Variants in LRP1B observed in about 807,000 individuals in gnomAD.
LRP1B encodes the protein LDL receptor related protein 1B, also known as low-density lipoprotein receptor-related protein 1B.
A neutral mutation model predicts 556.6 loss-of-function variants in LRP1B; 217 were observed. The ratio of observed to expected loss-of-function variants is 0.39; its 90% CI spans 0.35 to 0.44. LRP1B has a LOEUF of 0.44. LRP1B is among the 20% of genes least tolerant of loss of function. The pLI is 1.00. For missense variants in LRP1B, 5,053 were observed against 5,620.8 expected, an observed-to-expected ratio of 0.90 and a Z score of 3.23; for synonymous variants, 2,047 against 1,865.8, an observed-to-expected ratio of 1.10 and a Z score of -2.50.
At chr2:141,951,090 GTGATA>G (rs1701092294) in intron 1 of LRP1B, among the ~76,000 whole-genome samples, 1 of 152,068 alleles carries the variant, frequency 6.6e-6, no homozygotes, top group Non-Finnish European at 1.5e-5. Context: ...TTGTCCCATA[GTGATA>G]ATGGCTGCGT....
chr2:141,632,846 ATTGTG>A (rs1258539342), intron 2 of LRP1B, among the ~76,000 whole-genome samples: 3 of 140,476 alleles, frequency 2.1e-5, no homozygotes, highest in Non-Finnish European at 3.0e-5. Context: ...ATGAGAATGT[ATTGTG>A]TTAAGTGCTA....
intron 63 of LRP1B, among the ~76,000 whole-genome samples, chr2:140,447,145 A>G (rs1057469467): frequency 6.6e-6 from 1 of 152,118 alleles, no homozygotes; most frequent in African/African-American, 2.4e-5. Context: ...AGGCATTGTA[A>G]AAAAAGAAGA....
At chr2:140,455,155 C>T (rs189340400) in intron 62 of LRP1B, among the ~76,000 whole-genome samples, 13 of 152,194 alleles carry the variant, frequency 8.5e-5, no homozygotes, top group Admixed American at 7.2e-4. Flanking sequence ...AATTCAATTG[C>T]TAATTTTATC....
At chr2:141,632,996 CA>C (rs1047259093) in intron 2 of LRP1B, among the ~76,000 whole-genome samples, 3 of 151,818 alleles carry the variant, frequency 2.0e-5, no homozygotes, top group African/African-American at 7.3e-5. Context: ...TAATGAAGAT[CA>C]AATCTGTTTA....
intron 31 of LRP1B, among the ~76,000 whole-genome samples, chr2:140,830,432 C>T (rs1438570156): frequency 2.0e-5 from 3 of 152,076 alleles, no homozygotes; most frequent in African/African-American, 7.2e-5. Context: ...TCCAGTGATA[C>T]AAGGATGGTC....
chr2:140,445,501 A>G (rs936040379), intron 63 of LRP1B, among the ~76,000 whole-genome samples: 1 of 152,160 alleles, frequency 6.6e-6, no homozygotes, highest in African/African-American at 2.4e-5. Context: ...ATTCATCCCT[A>G]TAATCCGATT....
In LRP1B at chr2:141,025,707, C is replaced by T. The variant is rs566093081; in HGVS notation, c.1790-5605G>A. On this transcript the variant is annotated intron_variant, in intron 11 of 90. Transcript: ENST00000389484. The stretch of plus-strand genomic sequence containing the variant: ...CTTTCCAGTTCCCATAATTGTGTGA[C>T]CTAATTCCTTAATAAATCTTTTTTT... 6.5e-4 allele frequency among the ~76,000 whole-genome samples: 99 copies of T among 152,110 alleles called. No individual in the cohort carries two copies. The South Asian group carries it at 0.02, about 31-fold the overall frequency.
At chr2:140,874,260 T>C (rs904678505) in intron 25 of LRP1B, among the ~76,000 whole-genome samples, 1 of 152,186 alleles carries the variant, frequency 6.6e-6, no homozygotes, top group Non-Finnish European at 1.5e-5. Flanking sequence ...GGGATTGATT[T>C]ATTCTTAGTA....
intron 25 of LRP1B, among the ~76,000 whole-genome samples, chr2:140,875,195 G>T (rs1374643441): frequency 6.6e-6 from 1 of 152,130 alleles, no homozygotes; most frequent in Admixed American, 6.6e-5. Context: ...TCACAGAAGA[G>T]GTGGGCCTGT....
At chr2:141,122,891 A>T (rs1027026968) in intron 7 of LRP1B, among the ~76,000 whole-genome samples, 1 of 152,192 alleles carries the variant, frequency 6.6e-6, no homozygotes, top group Non-Finnish European at 1.5e-5. Context: ...AAAATGTGGC[A>T]CATATACACC....
intron 20 of LRP1B, among the ~76,000 whole-genome samples, chr2:140,948,286 A>G (rs1026924209): frequency 9.2e-5 from 14 of 152,174 alleles, no homozygotes; most frequent in African/African-American, 3.1e-4. Flanking sequence ...TGAGGAAGGA[A>G]AAATACTGTT....
chr2:141,404,210 C>T (rs1456554981), intron 3 of LRP1B, among the ~76,000 whole-genome samples: 3 of 152,136 alleles, frequency 2.0e-5, no homozygotes, highest in African/African-American at 7.2e-5. Flanking sequence ...ATACTGTAGG[C>T]CTATGTCTAG....
At chr2:141,488,755 G>C (rs534128449) in intron 2 of LRP1B, among the ~76,000 whole-genome samples, 94 of 151,996 alleles carry the variant, frequency 6.2e-4, no homozygotes, top group Admixed American at 7.2e-4. Context: ...CCCATACCTA[G>C]CATCTTTTAA....
chr2:141,639,363 CATATATATAT>C (rs775633233), intron 2 of LRP1B, among the ~76,000 whole-genome samples: 688 of 65,246 alleles, frequency 0.011, 4 homozygotes, highest in Non-Finnish European at 0.018. Flanking sequence ...CACACACACA[CATATATATAT>C]ATACACATAT....
intron 43 of LRP1B, among the ~76,000 whole-genome samples, chr2:140,571,852 T>C (rs576818116): frequency 2.6e-5 from 4 of 151,928 alleles, no homozygotes; most frequent in Admixed American, 1.3e-4. Flanking sequence ...GTTATGTTTT[T>C]ACAGCCAACT....
At chr2:140,261,759 TATA>T (rs1338819655) in intron 86 of LRP1B, among the ~76,000 whole-genome samples, 2 of 151,856 alleles carry the variant, frequency 1.3e-5, no homozygotes, top group East Asian at 1.9e-4. Context: ...TTTTTTAGTA[TATA>T]ATAATCTGCA....
intron 31 of LRP1B, among the ~76,000 whole-genome samples, chr2:140,820,408 A>G (rs1691286101): frequency 6.6e-6 from 1 of 152,198 alleles, no homozygotes; most frequent in South Asian, 2.1e-4. Flanking sequence ...GGGCTAAAGT[A>G]GTCAACTGAT....
intron 1 of LRP1B, among the ~76,000 whole-genome samples, chr2:142,081,291 A>G (rs1245064902): frequency 2.0e-5 from 3 of 152,172 alleles, no homozygotes; most frequent in Non-Finnish European, 4.4e-5. Context: ...TAAACCAGTA[A>G]TGTAATATAA....
chr2:140,917,953 T>A (rs749516608), intron 21 of LRP1B, among the ~76,000 whole-genome samples: 71 of 151,994 alleles, frequency 4.7e-4, no homozygotes, highest in Non-Finnish European at 3.8e-4. Context: ...GCGGTGGGAG[T>A]ATACAGGAAG....
Sources: gnomAD v4.1 joint callset for allele counts (sites outside exome capture counted in the v4.1 genomes callset) on GRCh38, gnomAD v4.1.1 for gene constraint, MANE v1.5 for transcripts, NCBI Gene and HGNC (gene_info 2026-07-23, HGNC 2026-07-21) for gene names.